Variants in NBEA observed in about 807,000 individuals in gnomAD.
NBEA encodes lysosomal-trafficking regulator 2.
In NBEA, 44 loss-of-function variants were observed where a neutral mutation model predicts 343.4. That is an observed-to-expected ratio of 0.13 (90% CI 0.10 to 0.16). The LOEUF (loss-of-function observed/expected upper bound fraction) is 0.16. NBEA is among the 10% of genes least tolerant of loss of function. The pLI is 1.00. For missense variants in NBEA, 2,555 were observed against 3,631.3 expected, an observed-to-expected ratio of 0.70 and a Z score of 7.62; for synonymous variants, 1,175 against 1,238.7, an observed-to-expected ratio of 0.95 and a Z score of 1.08.
chr13:35,333,913 C>T (rs1465704977), intron 36 of NBEA, among the ~76,000 whole-genome samples: 1 of 152,006 alleles, frequency 6.6e-6, no homozygotes, highest in Non-Finnish European at 1.5e-5. Flanking sequence ...CCATTGTGTA[C>T]AAGTACTGCA....
intron 31 of NBEA, among the ~76,000 whole-genome samples, chr13:35,201,460 T>G (rs2073017530): frequency 6.6e-6 from 1 of 152,114 alleles, no homozygotes. Context: ...TAAATTGTCA[T>G]GTTATCCTAG....
chr13:35,164,236 A>G (rs2069811455), intron 23 of NBEA, 120 bp from the exon 24 acceptor site: 3 of 853,460 alleles, frequency 3.5e-6, no homozygotes, highest in Non-Finnish European at 5.1e-6. Flanking sequence ...TTATTTTATA[A>G]TTTAATTTTA....
chr13:35,561,300 G>C lies in NBEA; in HGVS notation c.6923-5605G>C, dbSNP rs371458168. On this transcript the variant is annotated intron_variant, in intron 44 of 58. Coordinates refer to ENST00000379939, the MANE Select transcript of NBEA (RefSeq NM_001385012.1). Reference sequence around the variant, plus strand: ...TGTGATCTATTATGTAAATTCACTAGAATTACTGGACGAGGGATTCTTTAA... The same window carrying C: ...TGTGATCTATTATGTAAATTCACTACAATTACTGGACGAGGGATTCTTTAA... Among the ~76,000 whole-genome samples, 7 of 152,032 alleles carry C rather than the reference G, an allele frequency of 4.6e-5. No individual in the cohort carries two copies. In the East Asian group the frequency reaches 1.2e-3, roughly 25 times the overall value.
chr13:35,664,858 A>G (rs762430017), intron 55 of NBEA, among the ~76,000 whole-genome samples: 2 of 152,278 alleles, frequency 1.3e-5, no homozygotes, highest in African/African-American at 2.4e-5. Flanking sequence ...AGCATGTTAC[A>G]TACGTTAACT....
intron 1 of NBEA, among the ~76,000 whole-genome samples, chr13:34,952,300 G>A (rs771498669): frequency 4.4e-4 from 67 of 152,194 alleles, no homozygotes; most frequent in Admixed American, 2.0e-4. Context: ...ACTTAGGACA[G>A]GCTATTCAGA....
At chr13:35,189,555 A>C (rs551163562) in intron 30 of NBEA, among the ~76,000 whole-genome samples, 3 of 152,122 alleles carry the variant, frequency 2.0e-5, no homozygotes, top group African/African-American at 7.2e-5. Context: ...GAAAAGGAAA[A>C]AGAGTAAAAA....
intron 40 of NBEA, among the ~76,000 whole-genome samples, chr13:35,462,489 C>G (rs1287433971): frequency 1.3e-5 from 2 of 152,150 alleles, no homozygotes; most frequent in African/African-American, 4.8e-5. Flanking sequence ...AGGTAGAAAG[C>G]ATGAGTCAGG....
At chr13:35,442,927 A>G (rs1310171219) in intron 39 of NBEA, among the ~76,000 whole-genome samples, 1 of 152,146 alleles carries the variant, frequency 6.6e-6, no homozygotes, top group African/African-American at 2.4e-5. Flanking sequence ...GAGTTGGGGA[A>G]GCATGAAATG....
At position 35,555,010 on chromosome 13, in the gene NBEA, G is replaced by A. The variant is rs758012879; in HGVS notation, c.6830G>A (p.Arg2277Gln). ...AGGAGGATATCATTGGCCACTCCTC[G>A]ACAGCTTTATAAATCTTCCAATATG... ...QARRISLATP[R>Q]QLYKSSNMTQ... The change falls in exon 44 of 59, where the codon CGA becomes CAA. Residue 2277 changes from arginine (R) to glutamine (Q), a missense_variant. Transcript: ENST00000379939. 5.0e-6 allele frequency: 8 copies of A among 1,610,444 alleles called. No homozygotes were observed. Among genetic ancestry groups the A allele is most frequent in the East Asian group, 2.2e-5 (1 of 44,746 alleles).
At chr13:35,476,792 C>T (rs879553904) in intron 41 of NBEA, 119 of 1,031,652 alleles carry the variant, frequency 1.2e-4, no homozygotes, top group Non-Finnish European at 1.3e-4. Flanking sequence ...CAGCTCCAAC[C>T]CGGCTAATTA....
At chr13:34,985,714 A>G (rs1223272770) in intron 1 of NBEA, among the ~76,000 whole-genome samples, 1 of 150,844 alleles carries the variant, frequency 6.6e-6, no homozygotes, top group Non-Finnish European at 1.5e-5. Context: ...CCTGAATTTC[A>G]GAGGCTGTTA....
At chr13:35,045,212 T>C (rs1172980755) in intron 3 of NBEA, 94 bp from the exon 4 acceptor site, 29 of 1,225,082 alleles carry the variant, frequency 2.4e-5, no homozygotes, top group Non-Finnish European at 3.1e-5. Context: ...AATTTTTCTC[T>C]CTAGTTAGAA....
chr13:35,282,809 T>C (rs2035144112), intron 34 of NBEA, among the ~76,000 whole-genome samples: 1 of 152,192 alleles, frequency 6.6e-6, no homozygotes, highest in South Asian at 2.1e-4. Flanking sequence ...GACTCTTACA[T>C]AAATCTGTAT....
intron 38 of NBEA, among the ~76,000 whole-genome samples, chr13:35,385,961 A>G (rs946899738): frequency 3.3e-5 from 5 of 152,264 alleles, no homozygotes; most frequent in African/African-American, 7.2e-5. Flanking sequence ...AATTTCCTAG[A>G]GAGATTCACA....
intron 1 of NBEA, among the ~76,000 whole-genome samples, chr13:34,996,435 C>T (rs1020246737): frequency 4.6e-5 from 7 of 151,654 alleles, no homozygotes; most frequent in Middle Eastern, 3.4e-3. Context: ...AAATGGTAGT[C>T]AGAGGAGTTG....
intron 11 of NBEA, among the ~76,000 whole-genome samples, chr13:35,101,949 T>C (rs1410358674): frequency 2.0e-5 from 3 of 151,836 alleles, no homozygotes; most frequent in Non-Finnish European, 4.4e-5. Flanking sequence ...CTTTTATGAC[T>C]AGCCCATTTT....
Position 35,208,870 on chromosome 13 carries a change from A to AT in NBEA, c.5521+21dup. ...AATACAACAGGTATTGTACTTACAT[A>AT]TTTTTGTGATACTCATCTTTTTATG... is the stretch of plus-strand genomic sequence containing the variant. On this transcript the variant is annotated intron_variant, in intron 32 of 58. Coordinates refer to ENST00000379939, the MANE Select transcript of NBEA (RefSeq NM_001385012.1). 6.7e-7 allele frequency: 1 copy of AT among 1,484,044 alleles called. No homozygotes were observed. Among genetic ancestry groups the AT allele is most frequent in the Non-Finnish European group, 9.1e-7 (1 of 1,101,530 alleles). The allele number at this position is 1,484,044 out of a possible 1,614,324, so 91.9% of individuals were successfully genotyped here.
chr13:35,394,875 A>T (rs1038454448), intron 38 of NBEA, among the ~76,000 whole-genome samples: 4 of 152,090 alleles, frequency 2.6e-5, no homozygotes, highest in Non-Finnish European at 5.9e-5. Flanking sequence ...TCTACTTTTT[A>T]AAAAATATAA....
intron 17 of NBEA, among the ~76,000 whole-genome samples, chr13:35,126,255 C>T (rs1473276162): frequency 1.3e-5 from 2 of 152,120 alleles, no homozygotes; most frequent in Admixed American, 6.6e-5. Context: ...CTTCTCCTTG[C>T]CTTCCACCAT....
Sources: gnomAD v4.1 joint callset for allele counts (sites outside exome capture counted in the v4.1 genomes callset) on GRCh38, gnomAD v4.1.1 for gene constraint, MANE v1.5 for transcripts, NCBI Gene and HGNC (gene_info 2026-07-23, HGNC 2026-07-21) for gene names.